Variants in OR5A2 observed in about 807,000 individuals in gnomAD.
The protein encoded by OR5A2 is olfactory receptor 5A2.
For synonymous variants in OR5A2, 155 were observed against 151.1 expected, an observed-to-expected ratio of 1.03 and a Z score of -0.19; for missense variants, 406 against 398.9, an observed-to-expected ratio of 1.02 and a Z score of -0.15.
At position 59,420,900 on chromosome 11, in the gene OR5A2, T is replaced by G. The variant is rs1211364798; in HGVS notation, c.*1079A>C. On this transcript the variant is annotated 3_prime_UTR_variant, in exon 2 of 2. Coordinates refer to ENST00000302040, the MANE Select transcript of OR5A2 (RefSeq NM_001001954.2). ...AGTTAGAAAGCTGTCACTTTGGGCT[T>G]AAGCAATAATTCCTTGGTTTTATTC... 1 of 152,198 alleles carries G rather than the reference T, an allele frequency of 6.6e-6. No individual in the cohort carries two copies. Among genetic ancestry groups the G allele is most frequent in the Non-Finnish European group, 1.5e-5 (1 of 68,028 alleles). The allele number at this position is 152,198 out of a possible 1,614,324, so 9.4% of individuals were successfully genotyped here.
chr11:59,422,062 T>C lies in OR5A2; in HGVS notation c.892A>G (p.Ile298Val). 1.2e-6 allele frequency: 2 copies of C among 1,614,076 alleles called. No homozygotes were observed. The highest frequency in any genetic ancestry group is 1.7e-6 in the Non-Finnish European group (2 of 1,179,974). Residue 298 changes from isoleucine to valine, a missense_variant, in exon 2 of 2, where the codon ATT becomes GTT. By Grantham distance (29) the Ile-to-Val change is conservative (BLOSUM62 3). Coordinates refer to ENST00000302040, the MANE Select transcript of OR5A2 (RefSeq NM_001001954.2). Reference sequence around the variant, plus strand: ...ATGGCTTTCCTCATGGCATTTTTAATCTCCTTATTCCTAAAACTGTAGATG... The same window carrying C: ...ATGGCTTTCCTCATGGCATTTTTAACCTCCTTATTCCTAAAACTGTAGATG... ...PIIYSFRNKE[I>V]KNAMRKAMER...
chr11:59,422,203 G>C lies in OR5A2; in HGVS notation c.751C>G (p.Leu251Val). ...ATGAAGAATCCAGAACCATAGAAGAGGGTCACAGCAGTCAGGTGAGAGGCA... is the reference window on the plus strand; with the variant it reads ...ATGAAGAATCCAGAACCATAGAAGACGGTCACAGCAGTCAGGTGAGAGGCA... ...TCASHLTAVT[L>V]FYGSGFFMYM... Residue 251 changes from leucine to valine, a missense_variant, in exon 2 of 2, where the codon CTC (leucine) becomes GTC (valine). Coordinates refer to ENST00000302040, the MANE Select transcript of OR5A2 (RefSeq NM_001001954.2). 1 of 1,614,136 alleles carries C rather than the reference G, an allele frequency of 6.2e-7. No individual in the cohort carries two copies. The highest frequency in any genetic ancestry group is 8.5e-7 in the Non-Finnish European group (1 of 1,179,998).
In OR5A2 at chr11:59,422,512, C is replaced by T; in HGVS notation, c.442G>A (p.Gly148Ser). Residue 148 changes from glycine (G) to serine (S), a missense_variant, in exon 2 of 2, where the codon GGC (glycine) becomes AGC (serine). Transcript: ENST00000302040. Reference sequence around the variant, plus strand: ...CTAAGGAATCCACCCACATAGGCGCCAACCACCATCTTTAAACAAAGTGTA... The same window carrying T: ...CTAAGGAATCCACCCACATAGGCGCTAACCACCATCTTTAAACAAAGTGTA... Reference protein sequence around the residue: ...SHTLCLKMVVGAYVGGFLSSF... With the variant: ...SHTLCLKMVVSAYVGGFLSSF... 6.2e-7 allele frequency: 1 copy of T among 1,614,146 alleles called. No homozygotes were observed.
Position 59,420,430 on chromosome 11 carries a change from T to TATA in OR5A2, c.*1546_*1548dup, listed in dbSNP as rs1009136561. On this transcript the variant is annotated 3_prime_UTR_variant, in exon 2 of 2. Coordinates refer to ENST00000302040, the MANE Select transcript of OR5A2 (RefSeq NM_001001954.2). The stretch of plus-strand genomic sequence containing the variant: ...CTATTTGGATAATGATTAAGCATTA[T>TATA]ATAATAATAATAATAGTAATAGCAC... 4 of 152,080 alleles carry TATA rather than the reference T, an allele frequency of 2.6e-5. No individual in the cohort carries two copies. Among genetic ancestry groups the TATA allele is most frequent in the South Asian group, 2.1e-4 (1 of 4,820 alleles). 9.4% of individuals were successfully genotyped at this position (152,080 alleles called of 1,614,324 possible). A position where few individuals can be genotyped will look rare whatever the true frequency, so the allele number is the denominator to read the frequency against.
chr11:59,419,592 CATCA>C lies in OR5A2; in HGVS notation c.*2383_*2386del, dbSNP rs906628431. On this transcript the variant is annotated 3_prime_UTR_variant, in exon 2 of 2. Coordinates refer to ENST00000302040, the MANE Select transcript of OR5A2 (RefSeq NM_001001954.2). ...TTATATATTTTAGGGAAGCATGATA[CATCA>C]ATCAAATACATTTAAGAAATACATT... is the stretch of plus-strand genomic sequence containing the variant. 2.0e-5 allele frequency: 3 copies of C among 152,152 alleles called. No individual in the cohort carries two copies. The highest frequency in any genetic ancestry group is 2.0e-4 in the Admixed American group (3 of 15,262). The allele number at this position is 152,152 out of a possible 1,614,324, so 9.4% of individuals were successfully genotyped here.
At position 59,418,504 on chromosome 11, in the gene OR5A2, A is replaced by T. The variant is rs1278303728; in HGVS notation, c.*3475T>A. 6.6e-6 allele frequency: 1 copy of T among 152,086 alleles called. No homozygotes were observed. The allele number at this position is 152,086 out of a possible 1,614,324, so 9.4% of individuals were successfully genotyped here. On this transcript the variant is annotated 3_prime_UTR_variant, in exon 2 of 2. Coordinates refer to ENST00000302040, the MANE Select transcript of OR5A2 (RefSeq NM_001001954.2). Reference sequence around the variant, plus strand: ...CTATCTCCAGCTAGCTAGCCCTCCCAGGAAAGAGTTTCACCTCCTCCTCCT... The same window carrying T: ...CTATCTCCAGCTAGCTAGCCCTCCCTGGAAAGAGTTTCACCTCCTCCTCCT...
rs373685115 is a variant in OR5A2 at position 59,422,969 on chromosome 11, A to G, written c.-16T>C. On this transcript the variant is annotated 5_prime_UTR_variant, in exon 2 of 2. It removes an upstream start codon present in the reference 5' UTR. Transcript: ENST00000302040. ...CTACAGCCATAGGCCTGCTTCCTGC[A>G]TAAAGTCTTTACTTTCTTCTTTAAG... is the stretch of plus-strand genomic sequence containing the variant. 5 of 1,591,840 alleles carry G rather than the reference A, an allele frequency of 3.1e-6. No individual in the cohort carries two copies. The highest frequency in any genetic ancestry group is 3.4e-6 in the Non-Finnish European group (4 of 1,169,936).
Position 59,424,877 on chromosome 11 carries a change from C to G in OR5A2, c.-92+1294G>C, listed in dbSNP as rs1407619909. ...CAAGACGAGCCTAGATTGATCTTCACTAAAACATCAATCTATTTAATCCTA... is the reference window on the plus strand; with the variant it reads ...CAAGACGAGCCTAGATTGATCTTCAGTAAAACATCAATCTATTTAATCCTA... On this transcript the variant is annotated intron_variant, in intron 1 of 1. Coordinates refer to ENST00000302040, the MANE Select transcript of OR5A2 (RefSeq NM_001001954.2). The G allele has an allele frequency of 2.0e-5, 3 of 152,278 alleles. No individual in the cohort carries two copies. In the East Asian group the frequency reaches 5.8e-4, roughly 29 times the overall value. The allele number at this position is 152,278 out of a possible 1,614,324, so 9.4% of individuals were successfully genotyped here. A position where few individuals can be genotyped will look rare whatever the true frequency, so the allele number is the denominator to read the frequency against.
chr11:59,424,288 CCA>C (rs1456556618), intron 1 of OR5A2: 2 of 152,430 alleles, frequency 1.3e-5, no homozygotes, highest in African/African-American at 4.8e-5. Context: ...GCCTGTAGTT[CCA>C]GTTACTGGGG....
chr11:59,422,884 T>C lies in OR5A2; in HGVS notation c.70A>G (p.Met24Val). The C allele has an allele frequency of 1.9e-6, 3 of 1,614,088 alleles. No individual in the cohort carries two copies. The highest frequency in any genetic ancestry group is 2.5e-6 in the Non-Finnish European group (3 of 1,179,972). The change falls in exon 2 of 2, where the codon ATG becomes GTG. Residue 24 changes from methionine (M) to valine (V), a missense_variant. Coordinates refer to ENST00000302040, the MANE Select transcript of OR5A2 (RefSeq NM_001001954.2). ...AATAACATGAAAAGGAAAATCTTCA[T>C]TTGAGGATGGTCTGAAAGTCCCAGG... Reference protein sequence around the residue: ...ILLGLSDHPQMKIFLFMLFLG... With the variant: ...ILLGLSDHPQVKIFLFMLFLG...
intron 1 of OR5A2, chr11:59,423,293 A>G (rs1413081446): frequency 4.7e-6 from 1 of 211,766 alleles, no homozygotes; most frequent in East Asian, 1.0e-4. Flanking sequence ...CCAGATTCTC[A>G]TTTTCCCAAA....
In OR5A2 at chr11:59,421,861, GA is replaced by G. The variant is rs1858224754; in HGVS notation, c.*117del. 1 of 1,147,804 alleles carries G rather than the reference GA, an allele frequency of 8.7e-7. No individual in the cohort carries two copies. The highest frequency in any genetic ancestry group is 1.2e-6 in the Non-Finnish European group (1 of 818,276). 71.1% of individuals were successfully genotyped at this position (1,147,804 alleles called of 1,614,324 possible). A position where few individuals can be genotyped will look rare whatever the true frequency, so the allele number is the denominator to read the frequency against. ...AATAGCCAACAGGCAAACTATTAGT[GA>G]AATCTTAAGCAGGAGGGAAAAAAGC... On this transcript the variant is annotated 3_prime_UTR_variant, in exon 2 of 2. Transcript: ENST00000302040.
In OR5A2 at chr11:59,421,617, C is replaced by T. The variant is rs1858221168; in HGVS notation, c.*362G>A. 1.2e-5 allele frequency: 2 copies of T among 173,562 alleles called. No individual in the cohort carries two copies. The highest frequency in any genetic ancestry group is 2.5e-5 in the Non-Finnish European group (2 of 80,618). The allele number at this position is 173,562 out of a possible 1,614,324, so 10.8% of individuals were successfully genotyped here. A position where few individuals can be genotyped will look rare whatever the true frequency, so the allele number is the denominator to read the frequency against. On this transcript the variant is annotated 3_prime_UTR_variant, in exon 2 of 2. Coordinates refer to ENST00000302040, the MANE Select transcript of OR5A2 (RefSeq NM_001001954.2). The stretch of plus-strand genomic sequence containing the variant: ...CAACTGTGTTTAGAAAAAACATCAT[C>T]CTCTTCAGGTCATTATACCATGTTG...
Position 59,421,988 on chromosome 11 carries a change from G to C in OR5A2, c.966C>G (p.Thr322=), listed in dbSNP as rs1858228119. The C allele has an allele frequency of 6.2e-7, 1 of 1,603,920 alleles. No homozygotes were observed. The stretch of plus-strand genomic sequence containing the variant: ...AGCTTCATTGTAAACATTAGCCCAA[G>C]GTCATAAAAATGAATGGTCCACCGT... ...ISHGGPFIFM[T]LG Residue 322 remains threonine, a synonymous_variant, in exon 2 of 2, where the codon ACC becomes ACG. Coordinates refer to ENST00000302040, the MANE Select transcript of OR5A2 (RefSeq NM_001001954.2).
chr11:59,422,595 G>C lies in OR5A2; in HGVS notation c.359C>G (p.Ala120Gly). ...LTECFLLAAM[A>G]YDRYAAICNP... The stretch of plus-strand genomic sequence containing the variant: ...GCAGATTGCAGCATACCGGTCATAG[G>C]CCATAGCTGCCAGGAGAAAGCATTC... The change falls in exon 2 of 2, where the codon GCC becomes GGC. Residue 120 changes from alanine to glycine, a missense_variant. By Grantham distance (60) the Ala-to-Gly change is moderately conservative. Coordinates refer to ENST00000302040, the MANE Select transcript of OR5A2 (RefSeq NM_001001954.2). 1 of 1,614,158 alleles carries C rather than the reference G, an allele frequency of 6.2e-7. No individual in the cohort carries two copies. Among genetic ancestry groups the C allele is most frequent in the Non-Finnish European group, 8.5e-7 (1 of 1,180,022 alleles).
At chr11:59,424,048 A>G (rs1054847306) in intron 1 of OR5A2, 1 of 152,264 alleles carries the variant, frequency 6.6e-6, no homozygotes, top group Non-Finnish European at 1.5e-5. Context: ...GACGATGACT[A>G]TGAAGACAAG....
rs189801616 is a variant in OR5A2, at chr11:59,421,836, A to G, written c.*143T>C. On this transcript the variant is annotated 3_prime_UTR_variant, in exon 2 of 2. Transcript: ENST00000302040. ...AGCAACAATGGCCAAAATGTTTTCT[A>G]ATAGCCAACAGGCAAACTATTAGTG... The G allele has an allele frequency of 2.2e-6, 2 of 899,250 alleles. No homozygotes were observed. Among genetic ancestry groups the G allele is most frequent in the Non-Finnish European group, 3.3e-6 (2 of 598,002 alleles). The allele number at this position is 899,250 out of a possible 1,614,324, so 55.7% of individuals were successfully genotyped here. A position where few individuals can be genotyped will look rare whatever the true frequency, so the allele number is the denominator to read the frequency against.
In OR5A2 at chr11:59,421,903, C is replaced by T. The variant is rs1050654883; in HGVS notation, c.*76G>A. 7.0e-7 allele frequency: 1 copy of T among 1,422,920 alleles called. No individual in the cohort carries two copies. The highest frequency in any genetic ancestry group is 9.4e-7 in the Non-Finnish European group (1 of 1,058,266). 88.1% of individuals were successfully genotyped at this position (1,422,920 alleles called of 1,614,324 possible). A position where few individuals can be genotyped will look rare whatever the true frequency, so the allele number is the denominator to read the frequency against. ...GGAAAAAAGCCTGATTCCCACAATT[C>T]ATTCTATAGATCAACTAGTTTAAAA... On this transcript the variant is annotated 3_prime_UTR_variant, in exon 2 of 2. Transcript: ENST00000302040.
rs1858215320 is a variant in OR5A2, at chr11:59,421,049, A to C, written c.*930T>G. 1 of 152,236 alleles carries C rather than the reference A, an allele frequency of 6.6e-6. No individual in the cohort carries two copies. The highest frequency in any genetic ancestry group is 6.5e-5 in the Admixed American group (1 of 15,286). The allele number at this position is 152,236 out of a possible 1,614,324, so 9.4% of individuals were successfully genotyped here. ...ATTCCTTAGGCTAGGTAATTCATAA[A>C]GAGATTTAATTGGCTCACAGTTCTT... On this transcript the variant is annotated 3_prime_UTR_variant, in exon 2 of 2. Transcript: ENST00000302040.
Sources: gnomAD v4.1 joint callset for allele counts on GRCh38, gnomAD v4.1.1 for gene constraint, MANE v1.5 for transcripts, NCBI Gene and HGNC (gene_info 2026-07-23, HGNC 2026-07-21) for gene names.